NEDD4: variants seen among roughly 807,000 people sequenced by gnomAD.
The protein encoded by NEDD4 is E3 ubiquitin-protein ligase NEDD4.
NEDD4 carries 99 observed loss-of-function variants against 144.9 expected under a neutral mutation model. The observed-to-expected ratio is 0.68, with a 90% CI of 0.58 to 0.81. The LOEUF (loss-of-function observed/expected upper bound fraction) is 0.81. Ranked by LOEUF, NEDD4 falls within the 30% of genes least tolerant of loss-of-function variation. The probability of loss-of-function intolerance (pLI) is 0.00; values close to 1 mark genes in which losing one functional copy is unlikely to be tolerated. For synonymous variants in NEDD4, 318 were observed against 350.6 expected (o/e 0.91, Z 1.04); for missense variants, 985 against 1,065.9 (o/e 0.92, Z 1.06).
chr15:55,910,226 G>A (rs1267695133), intron 5 of NEDD4, among the ~76,000 whole-genome samples: 2 of 151,962 alleles, frequency 1.3e-5, no homozygotes. Context: ...TTATGACATC[G>A]AGCAAGCAAC....
chr15:55,985,734 A>G (rs1174447679), intron 1 of NEDD4, among the ~76,000 whole-genome samples: 2 of 147,822 alleles, frequency 1.4e-5, no homozygotes, highest in East Asian at 2.0e-4. Flanking sequence ...CTTTGTGTAT[A>G]CTTATATATG....
At position 55,851,726 on chromosome 15, in the gene NEDD4, C is replaced by T. The variant is rs185632566; in HGVS notation, c.1146+698G>A. Reference sequence around the variant, plus strand: ...TCCCGACCTCAGGTGATCCTCCCACCTTGGCCTCCCAAAGTGCTGGGATTA... The same window carrying T: ...TCCCGACCTCAGGTGATCCTCCCACTTTGGCCTCCCAAAGTGCTGGGATTA... On this transcript the variant is annotated intron_variant, in intron 13 of 28. Coordinates refer to ENST00000435532, the MANE Select transcript of NEDD4 (RefSeq NM_006154.4). Among the ~76,000 whole-genome samples, 1,107 of 152,144 alleles carry T rather than the reference C, an allele frequency of 7.3e-3. 65 individuals are homozygous for T. Among genetic ancestry groups the T allele is most frequent in the Admixed American group, 0.064 (982 of 15,284 alleles).
chr15:55,888,400 C>T (rs1428490895), intron 5 of NEDD4, among the ~76,000 whole-genome samples: 4 of 151,964 alleles, frequency 2.6e-5, no homozygotes, highest in East Asian at 1.9e-4. Context: ...AATAAATTAC[C>T]TAGGAATTAA....
At chr15:55,830,683 C>G in intron 27 of NEDD4, 97 bp from the exon 28 acceptor site, 1 of 888,298 alleles carries the variant, frequency 1.1e-6, no homozygotes, top group South Asian at 1.4e-5. Flanking sequence ...TACACACACA[C>G]AGGGAACTAA....
intron 5 of NEDD4, among the ~76,000 whole-genome samples, chr15:55,889,714 T>G (rs563183161): frequency 4.5e-4 from 68 of 152,154 alleles, no homozygotes; most frequent in South Asian, 6.2e-4. Flanking sequence ...GTTTTGTTTT[T>G]TTTGGAGACA....
rs2032747666 is a variant in NEDD4 at position 55,827,438 on chromosome 15, G to C, written c.*2459C>G. 2 of 152,180 alleles carry C rather than the reference G, an allele frequency of 1.3e-5. No homozygotes were observed. The highest frequency in any genetic ancestry group is 1.3e-4 in the Admixed American group (2 of 15,270). The allele number at this position is 152,180 out of a possible 1,614,324, so 9.4% of individuals were successfully genotyped here. On this transcript the variant is annotated 3_prime_UTR_variant, in exon 29 of 29. Transcript: ENST00000435532. ...CTGCAGCTGGGGACTGGTGGCAGTT[G>C]AGTCTGGTCTCATTTAACATCATGT...
chr15:55,854,802 A>AG (rs1291028982), intron 12 of NEDD4, among the ~76,000 whole-genome samples: 1 of 152,148 alleles, frequency 6.6e-6, no homozygotes, highest in East Asian at 1.9e-4. Context: ...CAATGTATTG[A>AG]GGGAAAAAAA....
chr15:55,880,602 C>T (rs180902294), intron 5 of NEDD4, among the ~76,000 whole-genome samples: 14 of 152,066 alleles, frequency 9.2e-5, no homozygotes, highest in African/African-American at 3.4e-4. Flanking sequence ...GGAGGATATA[C>T]TTCACCAAAA....
chr15:55,833,978 G>C (rs897116617), intron 26 of NEDD4, 60 bp downstream of exon 26: 7 of 1,205,978 alleles, frequency 5.8e-6, no homozygotes, highest in Non-Finnish European at 7.2e-6. Context: ...ATCAAGAGTT[G>C]ACTTAAATAT....
intron 1 of NEDD4, among the ~76,000 whole-genome samples, chr15:55,975,624 G>A (rs1379902855): frequency 7.8e-6 from 1 of 127,404 alleles, no homozygotes; most frequent in Non-Finnish European, 1.7e-5. Context: ...GATAGAAGAC[G>A]ACACCAAAAA....
chr15:55,852,573 T>C, intron 12 of NEDD4, 30 bp from the exon 13 acceptor site: 2 of 1,606,724 alleles, frequency 1.2e-6, no homozygotes, highest in Non-Finnish European at 1.7e-6. Context: ...AAGAATTAAA[T>C]ACATCAAGTT....
intron 4 of NEDD4, among the ~76,000 whole-genome samples, chr15:55,926,422 T>C: frequency 6.6e-6 from 1 of 151,834 alleles, no homozygotes; most frequent in Non-Finnish European, 1.5e-5. Context: ...GACCATGGAG[T>C]AACTGAGGAT....
intron 5 of NEDD4, among the ~76,000 whole-genome samples, chr15:55,880,090 G>A (rs1448807880): frequency 6.6e-6 from 1 of 152,084 alleles, no homozygotes; most frequent in Admixed American, 6.5e-5. Context: ...TCAGGAGTTC[G>A]AGACCAGCCT....
chr15:55,894,702 C>T (rs1455483481), intron 5 of NEDD4, among the ~76,000 whole-genome samples: 4 of 151,992 alleles, frequency 2.6e-5, no homozygotes, highest in Non-Finnish European at 4.4e-5. Flanking sequence ...GATGATTTAC[C>T]TTGTCAAGTT....
rs761890335 is a variant in NEDD4 at position 55,834,207 on chromosome 15, C to A, written c.2322+20G>T. On this transcript the variant is annotated intron_variant, in intron 25 of 28. Coordinates refer to ENST00000435532, the MANE Select transcript of NEDD4 (RefSeq NM_006154.4). ...AATGGGTTCACAATTTCTGTTTCAA[C>A]ATAAAATGTTATGTCTTACCTCTAG... The A allele has an allele frequency of 6.2e-7, 1 of 1,609,612 alleles. No homozygotes were observed. Among genetic ancestry groups the A allele is most frequent in the African/African-American group, 1.3e-5 (1 of 74,794 alleles).
chr15:55,897,623 ACCTGG>A (rs2035779914), intron 5 of NEDD4, among the ~76,000 whole-genome samples: 1 of 152,184 alleles, frequency 6.6e-6, no homozygotes, highest in African/African-American at 2.4e-5. Context: ...GCCTTCTTCA[ACCTGG>A]CCTTACATTT....
At position 55,829,978 on chromosome 15, in the gene NEDD4, T is replaced by A; in HGVS notation, c.2622A>T (p.Pro874=). ...AHTCFNRLDL[P]PYESFEELWD... The stretch of plus-strand genomic sequence containing the variant: ...ATAATTCTTCAAATGATTCATAAGG[T>A]GGCAAGTCCAGGCGATTAAAACTGA... The change falls in exon 29 of 29, where the codon CCA becomes CCT. Residue 874 remains proline, a synonymous_variant. Coordinates refer to ENST00000435532, the MANE Select transcript of NEDD4 (RefSeq NM_006154.4). 6.2e-7 allele frequency: 1 copy of A among 1,613,138 alleles called. No homozygotes were observed. Among genetic ancestry groups the A allele is most frequent in the Non-Finnish European group, 8.5e-7 (1 of 1,179,586 alleles).
chr15:55,962,674 C>T (rs1233289996), intron 2 of NEDD4, among the ~76,000 whole-genome samples: 1 of 152,062 alleles, frequency 6.6e-6, no homozygotes, highest in Admixed American at 6.6e-5. Context: ...GAACTCCTGA[C>T]CTCAGGTGAT....
At chr15:55,969,887 TA>T (rs142815278) in intron 1 of NEDD4, among the ~76,000 whole-genome samples, 68 of 143,444 alleles carry the variant, frequency 4.7e-4, no homozygotes, top group Admixed American at 6.9e-4. Context: ...GAGGGAAAAG[TA>T]AAAAAAAAAA....
Sources: allele counts gnomAD v4.1 joint callset (sites outside exome capture counted in the v4.1 genomes callset), GRCh38; gene constraint gnomAD v4.1.1; transcripts MANE v1.5; gene names NCBI Gene and HGNC (gene_info 2026-07-23, HGNC 2026-07-21).